Variants in ATP8B4 observed in about 807,000 individuals in gnomAD.
The protein encoded by ATP8B4 is ATPase phospholipid transporting 8B4 (putative).
In ATP8B4, 133 loss-of-function variants were observed where a neutral mutation model predicts 145.6. That is an observed-to-expected ratio of 0.91 (90% CI 0.79 to 1.05). The LOEUF is 1.05. ATP8B4 is among the 50% of genes least tolerant of loss of function. The pLI, the probability that ATP8B4 is intolerant of heterozygous loss-of-function variation, is 0.00. For synonymous variants in ATP8B4, 507 were observed against 492.9 expected, an observed-to-expected ratio of 1.03 and a Z score of -0.38; for missense variants, 1,458 against 1,425.2, an observed-to-expected ratio of 1.02 and a Z score of -0.37.
At chr15:50,165,190 C>T (rs943574047) in intron 1 of ATP8B4, among the ~76,000 whole-genome samples, 2 of 152,014 alleles carry the variant, frequency 1.3e-5, no homozygotes, top group Middle Eastern at 3.2e-3. Flanking sequence ...GCTGGGATTA[C>T]AGGTACCCAC....
At chr15:49,912,063 T>C (rs777064039) in intron 20 of ATP8B4, among the ~76,000 whole-genome samples, 15 of 152,016 alleles carry the variant, frequency 9.9e-5, no homozygotes, top group Non-Finnish European at 2.1e-4. Flanking sequence ...TAGCAATAAA[T>C]GCCTACATCA....
At chr15:50,166,062 A>T (rs986404129) in intron 1 of ATP8B4, among the ~76,000 whole-genome samples, 2 of 152,168 alleles carry the variant, frequency 1.3e-5, no homozygotes, top group African/African-American at 4.8e-5. Flanking sequence ...ACAATCAGGA[A>T]TAAAGAACAA....
At chr15:50,117,120 G>A (rs1199519192) in intron 1 of ATP8B4, among the ~76,000 whole-genome samples, 2 of 151,908 alleles carry the variant, frequency 1.3e-5, no homozygotes, top group South Asian at 2.1e-4. Context: ...GCCTGATCTC[G>A]GCTCACTGCA....
At chr15:50,106,875 T>A in intron 2 of ATP8B4, 64 bp downstream of exon 2, 2 of 1,490,124 alleles carry the variant, frequency 1.3e-6, no homozygotes, top group Non-Finnish European at 1.8e-6. Flanking sequence ...TAAACTTCCA[T>A]GAAAAAATTA....
chr15:50,015,179 A>G (rs1330483573), intron 6 of ATP8B4, among the ~76,000 whole-genome samples: 1 of 152,230 alleles, frequency 6.6e-6, no homozygotes, highest in East Asian at 1.9e-4. Flanking sequence ...TATATTATAC[A>G]TTTTTATAGG....
chr15:50,049,066 G>A (rs1414118827), intron 3 of ATP8B4, among the ~76,000 whole-genome samples: 5 of 152,210 alleles, frequency 3.3e-5, no homozygotes, highest in Non-Finnish European at 5.9e-5. Context: ...TCCCTGTGCA[G>A]AACCTTTGGA....
chr15:49,860,870 T>A (rs2031561673), intron 27 of ATP8B4, among the ~76,000 whole-genome samples: 1 of 152,174 alleles, frequency 6.6e-6, no homozygotes, highest in South Asian at 2.1e-4. Context: ...GATCCAACAG[T>A]TGTCAGTAAC....
intron 20 of ATP8B4, chr15:49,908,082 G>GA (rs1222082709): frequency 1.1e-5 from 5 of 455,922 alleles, no homozygotes; most frequent in Non-Finnish European, 2.2e-5. Flanking sequence ...GTCCAACAGG[G>GA]AAAACAGTAA....
intron 3 of ATP8B4, among the ~76,000 whole-genome samples, chr15:50,062,485 T>C (rs914274655): frequency 2.0e-5 from 3 of 152,054 alleles, no homozygotes; most frequent in African/African-American, 7.2e-5. Flanking sequence ...AATTACCCAG[T>C]CTCAGGTACT....
At chr15:50,053,273 T>C (rs1337785066) in intron 3 of ATP8B4, among the ~76,000 whole-genome samples, 2 of 152,122 alleles carry the variant, frequency 1.3e-5, no homozygotes, top group Non-Finnish European at 2.9e-5. Flanking sequence ...CTTACACGAG[T>C]TGACACAGCT....
chr15:50,046,524 A>T (rs1446085666), intron 4 of ATP8B4, among the ~76,000 whole-genome samples: 1 of 152,254 alleles, frequency 6.6e-6, no homozygotes, highest in Non-Finnish European at 1.5e-5. Flanking sequence ...GCTCAAACTA[A>T]TTAAGATTTC....
intron 20 of ATP8B4, among the ~76,000 whole-genome samples, chr15:49,909,388 G>C (rs933372243): frequency 3.9e-5 from 6 of 152,186 alleles, no homozygotes; most frequent in Non-Finnish European, 8.8e-5. Context: ...GGCTATTTGG[G>C]AGCCAGAGAG....
chr15:50,038,051 C>A (rs530075553), intron 6 of ATP8B4, among the ~76,000 whole-genome samples: 1 of 152,122 alleles, frequency 6.6e-6, no homozygotes, highest in South Asian at 2.1e-4. Flanking sequence ...TGACTGACTG[C>A]CAGATTTAAG....
At chr15:50,102,641 T>A (rs1036737334) in intron 2 of ATP8B4, among the ~76,000 whole-genome samples, 1 of 152,210 alleles carries the variant, frequency 6.6e-6, no homozygotes, top group South Asian at 2.1e-4. Flanking sequence ...ATCACAAGAA[T>A]TCACAAATGA....
chr15:50,160,486 C>T (rs375707744), intron 1 of ATP8B4, among the ~76,000 whole-genome samples: 8 of 144,814 alleles, frequency 5.5e-5, no homozygotes, highest in South Asian at 2.3e-4. Flanking sequence ...GTTTATCTGA[C>T]GTTTTTCTAC....
In ATP8B4 at chr15:49,974,871, A is replaced by G. The variant is rs192691745; in HGVS notation, c.1035-2081T>C. ...ATGCTTTCTGTGTCACAAATAAATC[A>G]TTTTACTCACTAGCATCTGATTTAT... On this transcript the variant is annotated intron_variant, in intron 12 of 27. Coordinates refer to ENST00000284509, the MANE Select transcript of ATP8B4 (RefSeq NM_024837.4). Among the ~76,000 whole-genome samples the G allele has an allele frequency of 2.0e-3, 303 of 152,268 alleles. 1 individual carries two copies. The highest frequency in any genetic ancestry group is 3.8e-3 in the Non-Finnish European group (259 of 68,016).
At chr15:49,927,740 C>CA (rs1256472058) in intron 16 of ATP8B4, among the ~76,000 whole-genome samples, 2 of 152,080 alleles carry the variant, frequency 1.3e-5, no homozygotes, top group Non-Finnish European at 2.9e-5. Flanking sequence ...TGGGCCAAAC[C>CA]AACATCAATA....
intron 25 of ATP8B4, among the ~76,000 whole-genome samples, chr15:49,871,219 A>C (rs1022195692): frequency 3.3e-5 from 5 of 152,210 alleles, no homozygotes; most frequent in African/African-American, 1.2e-4. Flanking sequence ...TAGGACCATA[A>C]AGATAATTAA....
At position 49,858,700 on chromosome 15, in the gene ATP8B4, C is replaced by A. The variant is rs957510185; in HGVS notation, c.*1494G>T. ...TTTTGCTTTCTGGTAGAGAAATGTACCTCCACGGTTATAATTTTATTTCCC... is the reference window on the plus strand; with the variant it reads ...TTTTGCTTTCTGGTAGAGAAATGTAACTCCACGGTTATAATTTTATTTCCC... On this transcript the variant is annotated 3_prime_UTR_variant, in exon 28 of 28. Transcript: ENST00000284509. 2 of 152,136 alleles carry A rather than the reference C, an allele frequency of 1.3e-5. No individual in the cohort carries two copies. Among genetic ancestry groups the A allele is most frequent in the Non-Finnish European group, 2.9e-5 (2 of 68,010 alleles). 9.4% of individuals were successfully genotyped at this position (152,136 alleles called of 1,614,324 possible). A position where few individuals can be genotyped will look rare whatever the true frequency, so the allele number is the denominator to read the frequency against.
Sources: gnomAD v4.1 joint callset for allele counts (sites outside exome capture counted in the v4.1 genomes callset) on GRCh38, gnomAD v4.1.1 for gene constraint, MANE v1.5 for transcripts, NCBI Gene and HGNC (gene_info 2026-07-23, HGNC 2026-07-21) for gene names.